The following CBLB variants were observed in gnomAD, a reference collection of about 807,000 sequenced individuals.
The protein encoded by CBLB is Cbl proto-oncogene B.
In CBLB, 31 loss-of-function variants were observed where a neutral mutation model predicts 104.9. The ratio of observed to expected loss-of-function variants is 0.30; its 90% CI spans 0.22 to 0.40. CBLB has a LOEUF of 0.40. Ranked by LOEUF, CBLB falls within the 10% of genes least tolerant of loss-of-function variation. CBLB has a pLI of 1.00. For synonymous variants in CBLB, 440 were observed against 422.6 expected (o/e 1.04, Z -0.51); for missense variants, 1,062 against 1,214.6 (o/e 0.87, Z 1.87).
intron 3 of CBLB, among the ~76,000 whole-genome samples, chr3:105,793,724 T>C (rs557074343): frequency 6.6e-6 from 1 of 152,162 alleles, no homozygotes; most frequent in Non-Finnish European, 1.5e-5. Context: ...AAATGGGTGC[T>C]AAGGAACTCA....
At chr3:105,671,988 C>T (rs2065108843) in intron 17 of CBLB, 2 of 190,862 alleles carry the variant, frequency 1.0e-5, no homozygotes, top group Non-Finnish European at 2.2e-5. Flanking sequence ...GTGATTTCAG[C>T]ATAAATTTTG....
intron 3 of CBLB, among the ~76,000 whole-genome samples, chr3:105,781,014 T>C (rs932265664): frequency 6.6e-6 from 1 of 152,046 alleles, no homozygotes; most frequent in Non-Finnish European, 1.5e-5. Context: ...AATCAAAAAG[T>C]AGTTGTCAAC....
intron 2 of CBLB, among the ~76,000 whole-genome samples, chr3:105,859,352 A>C (rs1009217116): frequency 5.9e-5 from 9 of 152,176 alleles, no homozygotes; most frequent in African/African-American, 2.2e-4. Flanking sequence ...ATTCTTAAAA[A>C]CAATATAGAA....
At chr3:105,809,848 AT>A (rs938234457) in intron 3 of CBLB, among the ~76,000 whole-genome samples, 2 of 152,182 alleles carry the variant, frequency 1.3e-5, no homozygotes, top group Non-Finnish European at 2.9e-5. Context: ...TACATATGTG[AT>A]TTTAATGTCC....
At position 105,842,002 on chromosome 3, in the gene CBLB, G is replaced by A. The variant is rs535352461; in HGVS notation, c.419+11412C>T. Among the ~76,000 whole-genome samples the A allele has an allele frequency of 2.0e-5, 3 of 151,576 alleles. No individual in the cohort carries two copies. In the South Asian group the frequency reaches 6.2e-4, roughly 32 times the overall value. On this transcript the variant is annotated intron_variant, in intron 3 of 18. Coordinates refer to ENST00000394030, the MANE Select transcript of CBLB (RefSeq NM_170662.5). Reference sequence around the variant, plus strand: ...CAAACAGCCTTAGATAATAGGGACAGTGTTTTCCTCTGGAGAAAAAAAAAA... The same window carrying A: ...CAAACAGCCTTAGATAATAGGGACAATGTTTTCCTCTGGAGAAAAAAAAAA...
At chr3:105,677,625 G>A (rs887196060) in intron 17 of CBLB, among the ~76,000 whole-genome samples, 8 of 151,834 alleles carry the variant, frequency 5.3e-5, no homozygotes, top group Non-Finnish European at 1.0e-4. Context: ...TCACTAACAA[G>A]ACAGACTGGA....
rs761760418 is a variant in CBLB, at chr3:105,702,160, T to C, written c.1893A>G (p.Arg631=). 13 of 1,614,042 alleles carry C rather than the reference T, an allele frequency of 8.1e-6. No individual in the cohort carries two copies. The Admixed American group carries it at 8.3e-5, about 10-fold the overall frequency. Residue 631 remains arginine (R), a synonymous_variant, in exon 12 of 19, where the codon AGA becomes AGG. Transcript: ENST00000394030. The part of the protein sequence containing the change: ...ASSNVNGRHS[R]VGSDPVLMRK... ...GCATAAGCACTGGGTCAGAGCCCAC[T>C]CTACTGTGCCTTCCATTGACATTTG...
chr3:105,825,549 C>T (rs1232327871), intron 3 of CBLB, among the ~76,000 whole-genome samples: 2 of 152,084 alleles, frequency 1.3e-5, no homozygotes, highest in Non-Finnish European at 2.9e-5. Flanking sequence ...TACAGCAGTG[C>T]CAGGACAGAG....
At chr3:105,854,920 C>T (rs1275514142) in intron 2 of CBLB, among the ~76,000 whole-genome samples, 2 of 152,008 alleles carry the variant, frequency 1.3e-5, no homozygotes, top group Non-Finnish European at 2.9e-5. Flanking sequence ...TGTGCGCCAC[C>T]GTACCCGGCC....
Position 105,678,469 on chromosome 3 carries a change from C to T in CBLB, c.2531G>A (p.Arg844Gln), listed in dbSNP as rs150795419. The change falls in exon 17 of 19, where the codon CGG (arginine) becomes CAG (glutamine). Residue 844 changes from arginine to glutamine, a missense_variant. Around this residue, in one of 2 missense-constraint regions of CBLB, gnomAD observed 605 missense variants for 582.6 expected, o/e 1.04. Coordinates refer to ENST00000394030, the MANE Select transcript of CBLB (RefSeq NM_170662.5). ...EHSKPPGSSS[R>Q]PSSGQDLFLL... Reference sequence around the variant, plus strand: ...AAAAAGATCCTGTCCTGAGGATGGCCGGCTACTGGAGCCAGGAGGTTTTGA... The same window carrying T: ...AAAAAGATCCTGTCCTGAGGATGGCTGGCTACTGGAGCCAGGAGGTTTTGA... 34 of 1,613,852 alleles carry T rather than the reference C, an allele frequency of 2.1e-5. No individual in the cohort carries two copies. The highest frequency in any genetic ancestry group is 3.3e-5 in the South Asian group (3 of 91,084).
Position 105,740,573 on chromosome 3 carries a change from C to G in CBLB, c.904G>C (p.Gly302Arg). Residue 302 changes from glycine to arginine, a missense_variant, in exon 7 of 19, where the codon GGG (glycine) becomes CGG (arginine). Coordinates refer to ENST00000394030, the MANE Select transcript of CBLB (RefSeq NM_170662.5). Reference sequence around the variant, plus strand: ...ATGGTCTGTAAGATATTCCCATCCCCAGTCACATAGCCAATGGCCCACTGT... The same window carrying G: ...ATGGTCTGTAAGATATTCCCATCCCGAGTCACATAGCCAATGGCCCACTGT... Reference protein sequence around the residue: ...LGQWAIGYVTGDGNILQTIPH... With the variant: ...LGQWAIGYVTRDGNILQTIPH... The G allele has an allele frequency of 6.2e-7, 1 of 1,613,972 alleles. No individual in the cohort carries two copies. The highest frequency in any genetic ancestry group is 1.7e-5 in the Admixed American group (1 of 60,020).
intron 9 of CBLB, among the ~76,000 whole-genome samples, chr3:105,723,584 C>G (rs1243630160): frequency 6.6e-6 from 1 of 152,012 alleles, no homozygotes; most frequent in Non-Finnish European, 1.5e-5. Context: ...TAGGTAAACT[C>G]AGATAATTAA....
At chr3:105,862,933 C>G (rs896085528) in intron 2 of CBLB, among the ~76,000 whole-genome samples, 3 of 152,146 alleles carry the variant, frequency 2.0e-5, no homozygotes, top group African/African-American at 7.2e-5. Flanking sequence ...TACATCTCAG[C>G]ACTTTATTTA....
chr3:105,752,013 A>G (rs1334653257), intron 4 of CBLB, among the ~76,000 whole-genome samples: 1 of 152,222 alleles, frequency 6.6e-6, no homozygotes, highest in African/African-American at 2.4e-5. Flanking sequence ...TGATGGGTCC[A>G]TATAATAATA....
At chr3:105,842,762 C>T (rs1020182888) in intron 3 of CBLB, among the ~76,000 whole-genome samples, 3 of 152,250 alleles carry the variant, frequency 2.0e-5, no homozygotes, top group Admixed American at 2.0e-4. Flanking sequence ...AAGATAAAAC[C>T]CAACATGCTA....
At chr3:105,741,969 A>G (rs898076206) in intron 6 of CBLB, among the ~76,000 whole-genome samples, 1 of 152,244 alleles carries the variant, frequency 6.6e-6, no homozygotes, top group Non-Finnish European at 1.5e-5. Context: ...TCAAAAATAT[A>G]AATCAAATCA....
At chr3:105,666,334 G>A (rs2064455665) in intron 18 of CBLB, among the ~76,000 whole-genome samples, 1 of 152,126 alleles carries the variant, frequency 6.6e-6, no homozygotes, top group Non-Finnish European at 1.5e-5. Context: ...TCTACTAGAA[G>A]TTGGATCAAT....
intron 16 of CBLB, among the ~76,000 whole-genome samples, chr3:105,678,830 T>C (rs1368521842): frequency 6.6e-6 from 1 of 152,136 alleles, no homozygotes; most frequent in Non-Finnish European, 1.5e-5. Context: ...TCAGGCCTTT[T>C]TATAAAAAGC....
chr3:105,866,330 A>G (rs1344023751), intron 2 of CBLB, among the ~76,000 whole-genome samples: 6 of 152,228 alleles, frequency 3.9e-5, no homozygotes, highest in Non-Finnish European at 2.9e-5. Context: ...ATTTACAGAC[A>G]GGAGCAAATC....
Sources: gnomAD v4.1 joint callset for allele counts (sites outside exome capture counted in the v4.1 genomes callset) on GRCh38, gnomAD v4.1.1 for gene constraint, gnomAD v4.1.1 regional missense constraint, MANE v1.5 for transcripts, NCBI Gene and HGNC (gene_info 2026-07-23, HGNC 2026-07-21) for gene names.